Variants in TRIM24 observed in about 807,000 individuals in gnomAD.
TRIM24 encodes tripartite motif containing 24.
In TRIM24, 29 loss-of-function variants were observed where a neutral mutation model predicts 123.9. The observed-to-expected ratio is 0.23, with a 90% CI of 0.17 to 0.32. TRIM24 has a LOEUF of 0.32. TRIM24 is among the 10% of genes least tolerant of loss of function. TRIM24 has a pLI of 1.00. For missense variants in TRIM24, 932 were observed against 1,295.3 expected (o/e 0.72, Z 4.31); for synonymous variants, 456 against 461.1 (o/e 0.99, Z 0.14).
At chr7:138,494,311 G>T (rs973795074) in intron 1 of TRIM24, among the ~76,000 whole-genome samples, 22 of 151,926 alleles carry the variant, frequency 1.4e-4, no homozygotes, top group African/African-American at 5.3e-4. Flanking sequence ...TAGAGACAGG[G>T]TCTCACTGTG....
chr7:138,535,405 G>C (rs1019271607), intron 6 of TRIM24, among the ~76,000 whole-genome samples: 1 of 152,160 alleles, frequency 6.6e-6, no homozygotes, highest in Non-Finnish European at 1.5e-5. Flanking sequence ...TGGTATGGCA[G>C]GCCTGGTGGT....
intron 1 of TRIM24, among the ~76,000 whole-genome samples, chr7:138,462,982 GTC>G (rs1795040985): frequency 6.8e-6 from 1 of 146,780 alleles, no homozygotes; most frequent in Non-Finnish European, 1.5e-5. Flanking sequence ...CGATTGTCCT[GTC>G]TCAGCCTCCC....
chr7:138,498,231 T>C (rs1795957357), intron 1 of TRIM24, among the ~76,000 whole-genome samples: 1 of 152,034 alleles, frequency 6.6e-6, no homozygotes, highest in African/African-American at 2.4e-5. Flanking sequence ...ATTTTATTTT[T>C]TATTTTTTTT....
intron 7 of TRIM24, among the ~76,000 whole-genome samples, chr7:138,547,610 G>A (rs535247696): frequency 6.6e-6 from 1 of 152,010 alleles, no homozygotes; most frequent in African/African-American, 2.4e-5. Flanking sequence ...ATTTCTTATG[G>A]TTAGCATGAC....
At chr7:138,559,976 C>T (rs1563060020) in intron 9 of TRIM24, among the ~76,000 whole-genome samples, 1 of 152,162 alleles carries the variant, frequency 6.6e-6, no homozygotes, top group Non-Finnish European at 1.5e-5. Flanking sequence ...CCTGCATTTG[C>T]CTTCTTAAGG....
intron 1 of TRIM24, among the ~76,000 whole-genome samples, chr7:138,498,929 T>C (rs979533130): frequency 1.9e-4 from 29 of 152,150 alleles, no homozygotes; most frequent in African/African-American, 7.0e-4. Flanking sequence ...CCACCATGCC[T>C]GGCCTGCTCA....
intron 2 of TRIM24, among the ~76,000 whole-genome samples, chr7:138,507,582 C>G (rs1475762095): frequency 6.6e-6 from 1 of 151,534 alleles, no homozygotes; most frequent in Non-Finnish European, 1.5e-5. Flanking sequence ...CTCAGCCTCC[C>G]AAAGTGCTGG....
chr7:138,460,888 G>A lies in TRIM24; in HGVS notation c.340G>A (p.Gly114Ser). Residue 114 changes from glycine to serine, a missense_variant, in exon 1 of 19, where the codon GGC becomes AGC. By Grantham distance (56) the Gly-to-Ser change is moderately conservative. Coordinates refer to ENST00000343526, the MANE Select transcript of TRIM24 (RefSeq NM_015905.3). ...PVPAPGSPVSGSSPFATQVGV... is the reference protein window; with the variant it reads ...PVPAPGSPVSSSSPFATQVGV... ...CCCTGCCCCCGGCTCGCCGGTCAGC[G>A]GCTCGTCGCCGTTCGCCACCCAAGG... 6.6e-7 allele frequency: 1 copy of A among 1,520,990 alleles called. No homozygotes were observed. The allele number at this position is 1,520,990 out of a possible 1,614,324, so 94.2% of individuals were successfully genotyped here.
At chr7:138,549,816 A>G (rs979044130) in intron 7 of TRIM24, among the ~76,000 whole-genome samples, 1 of 152,144 alleles carries the variant, frequency 6.6e-6, no homozygotes, top group African/African-American at 2.4e-5. Flanking sequence ...CAGAAGAGGG[A>G]TGAAAATTAC....
chr7:138,564,084 G>A (rs1254498416), intron 9 of TRIM24, among the ~76,000 whole-genome samples: 1 of 152,204 alleles, frequency 6.6e-6, no homozygotes, highest in Non-Finnish European at 1.5e-5. Flanking sequence ...AAGATGGATT[G>A]CATTAAATCT....
At chr7:138,517,147 A>G (rs1256458010) in intron 3 of TRIM24, among the ~76,000 whole-genome samples, 2 of 149,756 alleles carry the variant, frequency 1.3e-5, no homozygotes, top group Non-Finnish European at 3.0e-5. Context: ...AGTTAATTCC[A>G]TATTTCATCT....
intron 6 of TRIM24, among the ~76,000 whole-genome samples, chr7:138,532,482 C>G (rs1340735991): frequency 6.6e-6 from 1 of 152,116 alleles, no homozygotes; most frequent in Non-Finnish European, 1.5e-5. Flanking sequence ...AATCCTTTCC[C>G]CATTGCTTGT....
At position 138,585,827 on chromosome 7, in the gene TRIM24, C is replaced by G. The variant is rs772460890; in HGVS notation, c.*876C>G. The G allele has an allele frequency of 5.8e-6, 3 of 519,532 alleles. No individual in the cohort carries two copies. The East Asian group carries it at 1.6e-4, about 28-fold the overall frequency. 32.2% of individuals were successfully genotyped at this position (519,532 alleles called of 1,614,324 possible). A position where few individuals can be genotyped will look rare whatever the true frequency, so the allele number is the denominator to read the frequency against. On this transcript the variant is annotated 3_prime_UTR_variant, in exon 19 of 19. Coordinates refer to ENST00000343526, the MANE Select transcript of TRIM24 (RefSeq NM_015905.3). ...AGTGGAACTACCCAAAATATAAATACAGCAGCGTGCACTGTATTTGATGTG... is the reference window on the plus strand; with the variant it reads ...AGTGGAACTACCCAAAATATAAATAGAGCAGCGTGCACTGTATTTGATGTG...
chr7:138,525,486 A>G (rs1796589508), intron 5 of TRIM24, 129 bp downstream of exon 5: 1 of 422,154 alleles, frequency 2.4e-6, no homozygotes, highest in South Asian at 9.7e-5. Context: ...GACTGATAAG[A>G]CTTTCCCAGA....
intron 1 of TRIM24, among the ~76,000 whole-genome samples, chr7:138,470,234 G>A (rs112208343): frequency 2.3e-4 from 34 of 146,322 alleles, no homozygotes; most frequent in African/African-American, 8.1e-4. Context: ...GGGTTCAGGC[G>A]ATCCTCCTGC....
chr7:138,503,669 A>G (rs1796090715), intron 1 of TRIM24, among the ~76,000 whole-genome samples: 1 of 151,702 alleles, frequency 6.6e-6, no homozygotes, highest in African/African-American at 2.4e-5. Context: ...GTACATGTGC[A>G]CAACGTGCAG....
chr7:138,578,920 G>GTA (rs71177997), intron 14 of TRIM24, among the ~76,000 whole-genome samples: 4,178 of 146,280 alleles, frequency 0.029, 68 homozygotes, highest in Middle Eastern at 0.039. Flanking sequence ...CTCCAGTGAG[G>GTA]TATATATATA....
intron 1 of TRIM24, among the ~76,000 whole-genome samples, chr7:138,483,109 G>A (rs549729359): frequency 9.9e-5 from 15 of 151,938 alleles, no homozygotes; most frequent in African/African-American, 3.1e-4. Context: ...TGTAGCGGGG[G>A]GGGTCTCACT....
Position 138,580,665 on chromosome 7 carries a change from CTTG to C in TRIM24, c.2692_2694del (p.Val898del). 2 of 1,613,740 alleles carry C rather than the reference CTTG, an allele frequency of 1.2e-6. No homozygotes were observed. Among genetic ancestry groups the C allele is most frequent in the Non-Finnish European group, 1.7e-6 (2 of 1,179,856 alleles). ...CTCAGAAAAAAAGAAAACTGAAGGC[CTTG>C]TTAAGTTAACACCTATAGATAAAAG... On this transcript the variant is annotated inframe_deletion, in exon 16 of 19. Coordinates refer to ENST00000343526, the MANE Select transcript of TRIM24 (RefSeq NM_015905.3).
Sources: allele counts gnomAD v4.1 joint callset (sites outside exome capture counted in the v4.1 genomes callset), GRCh38; gene constraint gnomAD v4.1.1; transcripts MANE v1.5; gene names NCBI Gene and HGNC (gene_info 2026-07-23, HGNC 2026-07-21).